The following SIPA1L1 variants were observed in gnomAD, a reference collection of about 807,000 sequenced individuals.
The protein encoded by SIPA1L1 is signal induced proliferation associated 1 like 1.
In SIPA1L1, 26 loss-of-function variants were observed where a neutral mutation model predicts 162.7. The observed-to-expected ratio is 0.16, with a 90% CI of 0.12 to 0.22. The LOEUF (loss-of-function observed/expected upper bound fraction) is 0.22. SIPA1L1 is among the 10% of genes least tolerant of loss of function. The probability of loss-of-function intolerance (pLI) is 1.00; values close to 1 mark genes in which losing one functional copy is unlikely to be tolerated. For missense variants in SIPA1L1, 1,874 were observed against 2,241.0 expected (o/e 0.84, Z 3.31); for synonymous variants, 829 against 837.4 (o/e 0.99, Z 0.17).
chr14:71,428,437 A>G (rs2043744850), intron 2 of SIPA1L1, among the ~76,000 whole-genome samples: 1 of 150,300 alleles, frequency 6.7e-6, no homozygotes, highest in Non-Finnish European at 1.5e-5. Flanking sequence ...CTGTGTGCTG[A>G]TGATCAATCT....
chr14:71,685,321 C>T, intron 12 of SIPA1L1, 41 bp from the exon 13 acceptor site: 2 of 1,600,908 alleles, frequency 1.2e-6, no homozygotes, highest in East Asian at 2.2e-5. Context: ...CAAGAAAAAG[C>T]AGTATCCATT....
At chr14:71,706,205 CTG>C (rs1198216736) in intron 16 of SIPA1L1, among the ~76,000 whole-genome samples, 21 of 152,018 alleles carry the variant, frequency 1.4e-4, no homozygotes, top group African/African-American at 4.8e-4. Flanking sequence ...GAAAGGTTTT[CTG>C]AGGAAAACCT....
At chr14:71,600,282 T>A (rs1596346673) in intron 5 of SIPA1L1, among the ~76,000 whole-genome samples, 1 of 152,192 alleles carries the variant, frequency 6.6e-6, no homozygotes, top group South Asian at 2.1e-4. Context: ...CATCTTCAGT[T>A]GATTTTGTAT....
At chr14:71,482,594 G>A (rs913835484) in intron 2 of SIPA1L1, among the ~76,000 whole-genome samples, 15 of 152,098 alleles carry the variant, frequency 9.9e-5, no homozygotes, top group African/African-American at 3.4e-4. Flanking sequence ...AATCTGTGCC[G>A]GGGACCAAAT....
intron 2 of SIPA1L1, among the ~76,000 whole-genome samples, chr14:71,421,663 A>T (rs2043195803): frequency 6.6e-6 from 1 of 152,172 alleles, no homozygotes; most frequent in African/African-American, 2.4e-5. Context: ...TTATAACAAC[A>T]GATTGGTTAT....
At position 71,412,560 on chromosome 14, in the gene SIPA1L1, G is replaced by A. The variant is rs2042482081; in HGVS notation, c.-465+91379G>A. Among the ~76,000 whole-genome samples the A allele has an allele frequency of 2.6e-5, 4 of 152,128 alleles. 1 individual carries two copies. In the South Asian group the frequency reaches 8.3e-4, roughly 32 times the overall value. ...TAGTGTGAGGGCATGATAGGCCCTT[G>A]GTAAGTCTTGTTTGAAGTGCTTTTT... On this transcript the variant is annotated intron_variant, in intron 2 of 23. Transcript: ENST00000381232.
chr14:71,597,044 A>T (rs766327483), intron 5 of SIPA1L1, among the ~76,000 whole-genome samples: 4 of 152,128 alleles, frequency 2.6e-5, no homozygotes, highest in Non-Finnish European at 5.9e-5. Flanking sequence ...ATTATGGCTC[A>T]CTGCAGCCTC....
At chr14:71,503,534 G>A (rs983233170) in intron 2 of SIPA1L1, among the ~76,000 whole-genome samples, 3 of 152,152 alleles carry the variant, frequency 2.0e-5, no homozygotes, top group Non-Finnish European at 4.4e-5. Flanking sequence ...AGTTCAGAGT[G>A]GCTAATTGTG....
intron 2 of SIPA1L1, among the ~76,000 whole-genome samples, chr14:71,343,040 A>G (rs1411430271): frequency 6.6e-6 from 1 of 152,206 alleles, no homozygotes; most frequent in African/African-American, 2.4e-5. Flanking sequence ...TTATAGCAAG[A>G]TGTGCAAGGA....
chr14:71,326,172 G>A (rs764259409), intron 2 of SIPA1L1, among the ~76,000 whole-genome samples: 29 of 150,836 alleles, frequency 1.9e-4, no homozygotes, highest in Non-Finnish European at 3.7e-4. Flanking sequence ...CTATGAACAG[G>A]TATAGTCATT....
Position 71,506,797 on chromosome 14 carries a change from C to T in SIPA1L1, c.-464-5946C>T, listed in dbSNP as rs375518389. ...GAATTCTCTCCATATTATTATCTCA[C>T]ATTTATCTATTTTGTAATCTTTTTT... On this transcript the variant is annotated intron_variant, in intron 2 of 23. Coordinates refer to ENST00000381232, the MANE Select transcript of SIPA1L1 (RefSeq NM_001386936.1). Among the ~76,000 whole-genome samples the T allele has an allele frequency of 2.0e-5, 3 of 150,710 alleles. No homozygotes were observed. In the East Asian group the frequency reaches 5.8e-4, roughly 29 times the overall value.
rs878979553 is a variant in SIPA1L1 at position 71,733,810 on chromosome 14, A to T, written c.5006A>T (p.Glu1669Val). ...SNLVDAAKAY[E>V]VQRASFFAAS... ...CTGGTAGATGCTGCCAAAGCCTATG[A>T]GGGTGAGTCCACTGAATCCACACAA... The change falls in exon 21 of 24, where the codon GAG becomes GTG. Residue 1669 changes from glutamate to valine, a missense_variant and splice_region_variant. Physicochemically the swap from Glu to Val is moderately radical, Grantham distance 121 (BLOSUM62 -2). Around this residue, in one of 5 missense-constraint regions of SIPA1L1, gnomAD observed 936 missense variants for 1,051.9 expected, o/e 0.89. Coordinates refer to ENST00000381232, the MANE Select transcript of SIPA1L1 (RefSeq NM_001386936.1). 3.7e-6 allele frequency: 6 copies of T among 1,612,010 alleles called. No homozygotes were observed. The highest frequency in any genetic ancestry group is 5.1e-6 in the Non-Finnish European group (6 of 1,179,796).
At chr14:71,684,120 ACTC>A (rs1423420462) in intron 12 of SIPA1L1, among the ~76,000 whole-genome samples, 4 of 152,020 alleles carry the variant, frequency 2.6e-5, no homozygotes, top group Admixed American at 6.6e-5. Context: ...AGAAGAAAGT[ACTC>A]CTTGGAGACG....
intron 2 of SIPA1L1, among the ~76,000 whole-genome samples, chr14:71,487,645 C>G (rs1365085279): frequency 2.6e-5 from 4 of 152,150 alleles, no homozygotes; most frequent in Non-Finnish European, 4.4e-5. Context: ...TGTCCACTTT[C>G]ACTCTGCTCA....
chr14:71,474,172 C>T (rs545511527), intron 2 of SIPA1L1, among the ~76,000 whole-genome samples: 7 of 152,174 alleles, frequency 4.6e-5, no homozygotes, highest in South Asian at 2.1e-4. Context: ...TTGAAGGTAA[C>T]GTAGATAATG....
intron 17 of SIPA1L1, among the ~76,000 whole-genome samples, chr14:71,711,213 C>T (rs1330061530): frequency 6.6e-6 from 1 of 152,156 alleles, no homozygotes; most frequent in Non-Finnish European, 1.5e-5. Context: ...TATTCCGTTC[C>T]ACAATTCAGA....
intron 2 of SIPA1L1, among the ~76,000 whole-genome samples, chr14:71,322,145 A>G (rs2033110892): frequency 6.6e-6 from 1 of 152,224 alleles, no homozygotes; most frequent in African/African-American, 2.4e-5. Flanking sequence ...TTCCAGGTCT[A>G]TCTGGATGGA....
intron 2 of SIPA1L1, among the ~76,000 whole-genome samples, chr14:71,439,252 A>G (rs1255410628): frequency 2.0e-5 from 3 of 152,202 alleles, no homozygotes; most frequent in Admixed American, 2.0e-4. Context: ...TGTGCTGCAG[A>G]CAGGAGGGGG....
intron 4 of SIPA1L1, among the ~76,000 whole-genome samples, chr14:71,539,364 T>C (rs915086301): frequency 1.3e-5 from 2 of 152,250 alleles, no homozygotes; most frequent in Non-Finnish European, 2.9e-5. Flanking sequence ...TGGCTGCTTT[T>C]GACAATACTG....
Sources: gnomAD v4.1 joint callset for allele counts (sites outside exome capture counted in the v4.1 genomes callset) on GRCh38, gnomAD v4.1.1 for gene constraint, gnomAD v4.1.1 regional missense constraint, MANE v1.5 for transcripts, NCBI Gene and HGNC (gene_info 2026-07-23, HGNC 2026-07-21) for gene names.